Variants in PIEZO2 observed in about 807,000 individuals in gnomAD.
PIEZO2 encodes the protein piezo type mechanosensitive ion channel component 2.
PIEZO2 carries 172 observed loss-of-function variants against 337.3 expected under a neutral mutation model. The observed-to-expected ratio is 0.51, with a 90% confidence interval of 0.45 to 0.58. The LOEUF (loss-of-function observed/expected upper bound fraction) is 0.58. PIEZO2 is among the 20% of genes least tolerant of loss of function. The probability of loss-of-function intolerance (pLI) is 0.00; values close to 1 mark genes in which losing one functional copy is unlikely to be tolerated. For missense variants in PIEZO2, 3,028 were observed against 3,391.3 expected (o/e 0.89, Z 2.66); for synonymous variants, 1,251 against 1,228.5 (o/e 1.02, Z -0.38).
intron 3 of PIEZO2, among the ~76,000 whole-genome samples, chr18:10,971,301 G>C (rs563392806): frequency 6.6e-6 from 1 of 152,106 alleles, no homozygotes; most frequent in South Asian, 2.1e-4. Flanking sequence ...CACACTTCAG[G>C]GAAGTAAATT....
At chr18:10,840,414 A>G (rs1411289981) in intron 7 of PIEZO2, among the ~76,000 whole-genome samples, 1 of 152,240 alleles carries the variant, frequency 6.6e-6, no homozygotes, top group African/African-American at 2.4e-5. Context: ...CAAATCCAGT[A>G]AATCATGAGA....
At chr18:11,108,271 C>A (rs538851124) in intron 1 of PIEZO2, among the ~76,000 whole-genome samples, 282 of 152,254 alleles carry the variant, frequency 1.9e-3, no homozygotes, top group African/African-American at 6.3e-3. Context: ...CGGGAAAGAT[C>A]ACAGTATAAT....
chr18:10,959,514 G>A (rs1195192113), intron 3 of PIEZO2, among the ~76,000 whole-genome samples: 1 of 152,086 alleles, frequency 6.6e-6, no homozygotes, highest in Non-Finnish European at 1.5e-5. Flanking sequence ...AACACATTCA[G>A]CAAGACATAA....
At chr18:11,081,785 A>T (rs1463816644) in intron 1 of PIEZO2, among the ~76,000 whole-genome samples, 1 of 141,846 alleles carries the variant, frequency 7.0e-6, no homozygotes. Flanking sequence ...TTTGAGATGG[A>T]GTCTTGCTCT....
Position 10,979,744 on chromosome 18 carries a change from C to T in PIEZO2, c.161-84G>A, listed in dbSNP as rs749860208. ...GTCTCTTGTACATATTTCTGTATAA[C>T]CTATTAGATAGACCGACTCAAAAGT... On this transcript the variant is annotated intron_variant, in intron 2 of 55. Transcript: ENST00000674853. This position sits in a 1 kb window ranked among gnomAD's most constrained non-coding sequence, Gnocchi z 4.0. The T allele has an allele frequency of 8.0e-6, 10 of 1,250,932 alleles. No homozygotes were observed. The highest frequency in any genetic ancestry group is 2.0e-4 in the Middle Eastern group (1 of 5,008). The allele number at this position is 1,250,932 out of a possible 1,614,324, so 77.5% of individuals were successfully genotyped here.
At position 11,002,199 on chromosome 18, in the gene PIEZO2, ATAAT is replaced by A; in HGVS notation, c.161-22543_161-22540del. ...TTCAGATAACTTTCATGCGCCACAAATAATTAATATTTTTCTCTTGATTTTTTCA... is the reference window on the plus strand; with the variant it reads ...TTCAGATAACTTTCATGCGCCACAAATAATATTTTTCTCTTGATTTTTTCA... On this transcript the variant is annotated intron_variant, in intron 2 of 55. Coordinates refer to ENST00000674853, the MANE Select transcript of PIEZO2 (RefSeq NM_001378183.1). The surrounding 1 kb of genome is among the most constrained non-coding windows in gnomAD (Gnocchi z 4.3). Among the ~76,000 whole-genome samples, 1 of 152,340 alleles carries A rather than the reference ATAAT, an allele frequency of 6.6e-6. No homozygotes were observed. The highest frequency in any genetic ancestry group is 3.4e-3 in the Middle Eastern group (1 of 294).
intron 2 of PIEZO2, among the ~76,000 whole-genome samples, chr18:11,010,079 G>A (rs1447419489): frequency 2.0e-5 from 3 of 152,150 alleles, no homozygotes; most frequent in African/African-American, 7.2e-5. Flanking sequence ...CTGTGAAGGA[G>A]CTCCTGAAAC....
At chr18:10,893,621 TTTC>T (rs968687968) in intron 4 of PIEZO2, 2 of 152,208 alleles carry the variant, frequency 1.3e-5, no homozygotes, top group African/African-American at 2.4e-5. Context: ...GATGAGACCA[TTTC>T]TTCTTCTTAC....
In PIEZO2 at chr18:11,109,075, C is replaced by A. The variant is rs1205908199; in HGVS notation, c.64+39450G>T. ...CTGCCAGAGGCCCCTCTGTTTCCAG[C>A]ATCCTGGGCAAAGGGTGACATCATG... is the stretch of plus-strand genomic sequence containing the variant. On this transcript the variant is annotated intron_variant, in intron 1 of 55. Coordinates refer to ENST00000674853, the MANE Select transcript of PIEZO2 (RefSeq NM_001378183.1). The surrounding 1 kb of genome is among the most constrained non-coding windows in gnomAD (Gnocchi z 5.1). Among the ~76,000 whole-genome samples, 1 of 152,206 alleles carries A rather than the reference C, an allele frequency of 6.6e-6. No homozygotes were observed. The highest frequency in any genetic ancestry group is 2.4e-5 in the African/African-American group (1 of 41,458).
At chr18:10,957,540 T>C (rs981328656) in intron 3 of PIEZO2, among the ~76,000 whole-genome samples, 3 of 151,926 alleles carry the variant, frequency 2.0e-5, no homozygotes, top group Admixed American at 6.6e-5. Context: ...AAGACATAAA[T>C]GTAAAATCTG....
rs1172970674 is a variant in PIEZO2 at position 11,128,045 on chromosome 18, C to A, written c.64+20480G>T. 6.6e-6 allele frequency among the ~76,000 whole-genome samples: 1 copy of A among 152,028 alleles called. No individual in the cohort carries two copies. The highest frequency in any genetic ancestry group is 2.4e-5 in the African/African-American group (1 of 41,376). On this transcript the variant is annotated intron_variant, in intron 1 of 55. Transcript: ENST00000674853. The surrounding 1 kb of genome is among the most constrained non-coding windows in gnomAD (Gnocchi z 4.1). ...TGGGCATGAACTGTTTAGAGAGTTA[C>A]ACAAAATAAATGCATTTGACACTCC...
intron 1 of PIEZO2, among the ~76,000 whole-genome samples, chr18:11,086,411 C>T (rs1290309437): frequency 2.0e-5 from 3 of 150,932 alleles, no homozygotes; most frequent in Non-Finnish European, 4.4e-5. Flanking sequence ...CCCAGCTACT[C>T]AGGAGGCTGA....
intron 7 of PIEZO2, among the ~76,000 whole-genome samples, chr18:10,845,956 G>A (rs2041345334): frequency 6.6e-6 from 1 of 152,156 alleles, no homozygotes; most frequent in Non-Finnish European, 1.5e-5. Flanking sequence ...TAGTTCCTAA[G>A]CAGAGCTTCA....
rs1160056526 is a variant in PIEZO2, at chr18:11,069,139, G to C, written c.65-2917C>G. On this transcript the variant is annotated intron_variant, in intron 1 of 55. Transcript: ENST00000674853. This position sits in a 1 kb window ranked among gnomAD's most constrained non-coding sequence, Gnocchi z 4.9. ...ATCAATTCTTCTCAAATTCTTCCAA[G>C]AAAATTAAAGAAGAGGGAATACTTG... Among the ~76,000 whole-genome samples the C allele has an allele frequency of 6.6e-6, 1 of 152,046 alleles. No individual in the cohort carries two copies. The highest frequency in any genetic ancestry group is 1.5e-5 in the Non-Finnish European group (1 of 68,008).
Position 10,965,789 on chromosome 18 carries a change from A to T in PIEZO2, c.286+13746T>A, listed in dbSNP as rs565781690. ...ATGAGGAAAGACTATGGCAGAAATGAAGTATTTATAAAGACTATGTAGAAA... is the reference window on the plus strand; with the variant it reads ...ATGAGGAAAGACTATGGCAGAAATGTAGTATTTATAAAGACTATGTAGAAA... On this transcript the variant is annotated intron_variant, in intron 3 of 55. Transcript: ENST00000674853. Among the ~76,000 whole-genome samples the T allele has an allele frequency of 1.6e-4, 25 of 152,212 alleles. 1 individual carries two copies. Among genetic ancestry groups the T allele is most frequent in the Non-Finnish European group, 5.9e-5 (4 of 68,032 alleles).
chr18:10,944,597 A>G (rs1018341099), intron 3 of PIEZO2, among the ~76,000 whole-genome samples: 1 of 149,452 alleles, frequency 6.7e-6, no homozygotes, highest in Non-Finnish European at 1.5e-5. Context: ...AGAACACCAA[A>G]GACAAAGAAA....
Position 10,863,478 on chromosome 18 carries a change from C to A in PIEZO2, c.493-6267G>T, listed in dbSNP as rs551614463. On this transcript the variant is annotated intron_variant, in intron 5 of 55. Transcript: ENST00000674853. This position sits in a 1 kb window ranked among gnomAD's most constrained non-coding sequence, Gnocchi z 4.3. ...TGAGTGTATAGATGTTGCTTTCAAC[C>A]ACCATCTACAAAGCAATGAAAGTTT... Among the ~76,000 whole-genome samples, 1 of 152,304 alleles carries A rather than the reference C, an allele frequency of 6.6e-6. No homozygotes were observed. Among genetic ancestry groups the A allele is most frequent in the South Asian group, 2.1e-4 (1 of 4,826 alleles).
rs1442266907 is a variant in PIEZO2, at chr18:10,877,049, C to T, written c.330-5634G>A. Among the ~76,000 whole-genome samples, 1 of 152,216 alleles carries T rather than the reference C, an allele frequency of 6.6e-6. No homozygotes were observed. The highest frequency in any genetic ancestry group is 1.5e-5 in the Non-Finnish European group (1 of 68,038). Reference sequence around the variant, plus strand: ...ACCTACCTATGAATATCCATGAAAACTCATGTTGCTGGGAAGCCCCACTAA... The same window carrying T: ...ACCTACCTATGAATATCCATGAAAATTCATGTTGCTGGGAAGCCCCACTAA... On this transcript the variant is annotated intron_variant, in intron 4 of 55. Transcript: ENST00000674853. This position sits in a 1 kb window ranked among gnomAD's most constrained non-coding sequence, Gnocchi z 5.3.
rs1348300542 is a variant in PIEZO2, at chr18:11,131,753, T to C, written c.64+16772A>G. Among the ~76,000 whole-genome samples, 2 of 152,218 alleles carry C rather than the reference T, an allele frequency of 1.3e-5. No individual in the cohort carries two copies. Among genetic ancestry groups the C allele is most frequent in the African/African-American group, 2.4e-5 (1 of 41,460 alleles). ...TGGGGAAGAGGTTTGTGGATGGACC[T>C]GAGTGGTCAAAAACTGTGAAGATAT... On this transcript the variant is annotated intron_variant, in intron 1 of 55. Coordinates refer to ENST00000674853, the MANE Select transcript of PIEZO2 (RefSeq NM_001378183.1). The surrounding 1 kb of genome is among the most constrained non-coding windows in gnomAD (Gnocchi z 5.3).
Sources: allele counts gnomAD v4.1 joint callset (sites outside exome capture counted in the v4.1 genomes callset), GRCh38; gene constraint gnomAD v4.1.1; non-coding constraint Gnocchi (gnomAD v3.1); transcripts MANE v1.5; gene names NCBI Gene and HGNC (gene_info 2026-07-23, HGNC 2026-07-21).